Variants in ALK observed in about 807,000 individuals in gnomAD.
ALK encodes the protein ALK tyrosine kinase receptor.
A neutral mutation model predicts 163.1 loss-of-function variants in ALK; 74 were observed. That is an observed-to-expected ratio of 0.45 (90% CI 0.38 to 0.55). The LOEUF (loss-of-function observed/expected upper bound fraction) is 0.55. Among genes scored for constraint, ALK ranks in the 20% least tolerant of loss-of-function variants. The pLI is 0.00. For synonymous variants in ALK, 960 were observed against 843.2 expected, an observed-to-expected ratio of 1.14 and a Z score of -2.40; for missense variants, 2,063 against 2,105.3, an observed-to-expected ratio of 0.98 and a Z score of 0.39.
chr2:29,230,304 T>C (rs1266301196), intron 15 of ALK, among the ~76,000 whole-genome samples: 2 of 139,556 alleles, frequency 1.4e-5, no homozygotes, highest in Non-Finnish European at 3.2e-5. Context: ...TTTTTTTTTT[T>C]GAGTATTTTT....
chr2:29,402,117 T>C lies in ALK; in HGVS notation c.1155-18258A>G, dbSNP rs1391423694. On this transcript the variant is annotated intron_variant, in intron 4 of 28. Coordinates refer to ENST00000389048, the MANE Select transcript of ALK (RefSeq NM_004304.5). The stretch of plus-strand genomic sequence containing the variant: ...GCAGACTTTGGCAGCGGGTGTTGAG[T>C]GAAAGCCTGGCAGAGCCATTCCCAG... Among the ~76,000 whole-genome samples, 3 of 152,108 alleles carry C rather than the reference T, an allele frequency of 2.0e-5. No homozygotes were observed. In the East Asian group the frequency reaches 5.8e-4, roughly 29 times the overall value.
intron 15 of ALK, among the ~76,000 whole-genome samples, chr2:29,229,394 C>T (rs62130590): frequency 0.082 from 12,460 of 152,230 alleles, 588 homozygotes; most frequent in African/African-American, 0.13. Flanking sequence ...GGCAGCATGG[C>T]GACTAAACTC....
chr2:29,813,023 G>C (rs80057848), intron 1 of ALK, among the ~76,000 whole-genome samples: 1,782 of 152,288 alleles, frequency 0.012, 18 homozygotes, highest in Non-Finnish European at 0.017. Context: ...CCAGGACCTG[G>C]GTATGACAGA....
At chr2:29,828,610 G>A (rs1363836838) in intron 1 of ALK, among the ~76,000 whole-genome samples, 1 of 152,236 alleles carries the variant, frequency 6.6e-6, no homozygotes, top group African/African-American at 2.4e-5. Context: ...AAACCACAAT[G>A]AGATACCATC....
chr2:29,906,083 G>A (rs141864006), intron 1 of ALK, among the ~76,000 whole-genome samples: 304 of 152,288 alleles, frequency 2.0e-3, no homozygotes, highest in African/African-American at 6.9e-3. Flanking sequence ...GATCACAGGA[G>A]CAGAATGTTG....
At chr2:29,802,915 A>T (rs184861017) in intron 1 of ALK, among the ~76,000 whole-genome samples, 28 of 152,154 alleles carry the variant, frequency 1.8e-4, no homozygotes, top group Admixed American at 1.4e-3. Flanking sequence ...ACTGACCCCC[A>T]AACCATGCAT....
chr2:29,605,273 T>C (rs1675511924), intron 3 of ALK, among the ~76,000 whole-genome samples: 1 of 152,088 alleles, frequency 6.6e-6, no homozygotes, highest in Admixed American at 6.6e-5. Flanking sequence ...TGACAGGAGG[T>C]GGAGCTCAGG....
intron 11 of ALK, 123 bp from the exon 12 acceptor site, chr2:29,251,390 A>G: frequency 1.0e-6 from 1 of 1,000,084 alleles, no homozygotes; most frequent in Middle Eastern, 3.1e-4. Flanking sequence ...AGATGGCACC[A>G]AGGTCAGGGC....
intron 4 of ALK, among the ~76,000 whole-genome samples, chr2:29,453,534 C>T (rs1006774884): frequency 2.6e-5 from 4 of 151,988 alleles, no homozygotes; most frequent in African/African-American, 9.7e-5. Flanking sequence ...CCGGACCTGG[C>T]CTAAAATAAA....
Position 29,886,265 on chromosome 2 carries a change from T to C in ALK, c.667+33728A>G, listed in dbSNP as rs552690863. Among the ~76,000 whole-genome samples the C allele has an allele frequency of 5.3e-5, 8 of 152,336 alleles. No homozygotes were observed. The South Asian group carries it at 1.4e-3, about 28-fold the overall frequency. On this transcript the variant is annotated intron_variant, in intron 1 of 28. Coordinates refer to ENST00000389048, the MANE Select transcript of ALK (RefSeq NM_004304.5). ...TCAGTAAGACTTTCAGTCAACAGTATGCTATTAGTGGTTAATCATAATAGT... is the reference window on the plus strand; with the variant it reads ...TCAGTAAGACTTTCAGTCAACAGTACGCTATTAGTGGTTAATCATAATAGT...
chr2:29,368,395 T>C (rs1050357515), intron 5 of ALK, among the ~76,000 whole-genome samples: 3 of 152,190 alleles, frequency 2.0e-5, no homozygotes, highest in Admixed American at 6.5e-5. Context: ...TGAGAGACAG[T>C]GGCCCCTCAT....
intron 4 of ALK, among the ~76,000 whole-genome samples, chr2:29,432,737 C>CA (rs1315375420): frequency 7.1e-6 from 1 of 140,824 alleles, no homozygotes; most frequent in Non-Finnish European, 1.6e-5. Flanking sequence ...TAGCCTTTTC[C>CA]TTTTTTTTTT....
intron 1 of ALK, among the ~76,000 whole-genome samples, chr2:29,797,695 T>C (rs1664354135): frequency 6.6e-6 from 1 of 152,212 alleles, no homozygotes; most frequent in African/African-American, 2.4e-5. Flanking sequence ...GGAGTAGTGT[T>C]AGATTTTTAA....
At chr2:29,374,381 T>C (rs925375847) in intron 5 of ALK, among the ~76,000 whole-genome samples, 17 of 151,974 alleles carry the variant, frequency 1.1e-4, no homozygotes, top group African/African-American at 3.9e-4. Flanking sequence ...CTAAAGCCTC[T>C]AATCTCTCTC....
At chr2:29,690,523 C>T (rs941371084) in intron 3 of ALK, among the ~76,000 whole-genome samples, 7 of 152,144 alleles carry the variant, frequency 4.6e-5, no homozygotes, top group African/African-American at 1.2e-4. Flanking sequence ...AAGAAAAATA[C>T]CTTTGACTAT....
chr2:29,866,965 G>A (rs1666451120), intron 1 of ALK, among the ~76,000 whole-genome samples: 1 of 152,168 alleles, frequency 6.6e-6, no homozygotes, highest in South Asian at 2.1e-4. Context: ...AAACAAGCCA[G>A]TTTTAACCTT....
rs1353295499 is a variant in ALK, at chr2:29,756,488, G to A, written c.668-38791C>T. On this transcript the variant is annotated intron_variant, in intron 1 of 28. Coordinates refer to ENST00000389048, the MANE Select transcript of ALK (RefSeq NM_004304.5). ...TTATAACTATTTCCATGACTCTGAA[G>A]CAAGCCCCTTAGCAAAGTACAGTAG... Among the ~76,000 whole-genome samples, 3 of 151,164 alleles carry A rather than the reference G, an allele frequency of 2.0e-5. No homozygotes were observed. In the East Asian group the frequency reaches 5.8e-4, roughly 29 times the overall value.
intron 4 of ALK, among the ~76,000 whole-genome samples, chr2:29,488,056 A>G (rs911864846): frequency 3.9e-5 from 6 of 152,058 alleles, no homozygotes; most frequent in African/African-American, 1.4e-4. Context: ...AAGCACTAAC[A>G]TCCCTTTACA....
intron 1 of ALK, among the ~76,000 whole-genome samples, chr2:29,734,892 G>C (rs1679849559): frequency 6.6e-6 from 1 of 151,978 alleles, no homozygotes; most frequent in South Asian, 2.1e-4. Flanking sequence ...GCACTGCTGA[G>C]GGCAATGAGA....
Sources: gnomAD v4.1 joint callset for allele counts (sites outside exome capture counted in the v4.1 genomes callset) on GRCh38, gnomAD v4.1.1 for gene constraint, MANE v1.5 for transcripts, NCBI Gene and HGNC (gene_info 2026-07-23, HGNC 2026-07-21) for gene names.